The following FIG4 variants were observed in gnomAD, a reference collection of about 807,000 sequenced individuals.
FIG4 encodes FIG4 phosphoinositide 5-phosphatase.
FIG4 carries 112 observed loss-of-function variants against 118.6 expected under a neutral mutation model. That is an observed-to-expected ratio of 0.94 (90% CI 0.81 to 1.11). FIG4 has a LOEUF of 1.11. Ranked by LOEUF, FIG4 falls within the 50% of genes least tolerant of loss-of-function variation. FIG4 has a pLI of 0.00. For synonymous variants in FIG4, 369 were observed against 381.2 expected, an observed-to-expected ratio of 0.97 and a Z score of 0.37; for missense variants, 969 against 1,111.7, an observed-to-expected ratio of 0.87 and a Z score of 1.83.
intron 16 of FIG4, among the ~76,000 whole-genome samples, chr6:109,778,619 G>A (rs1246488068): frequency 6.6e-6 from 1 of 151,778 alleles, no homozygotes; most frequent in Non-Finnish European, 1.5e-5. Flanking sequence ...TTTTTTCGGA[G>A]ACAGAGCCTC....
At chr6:109,817,854 G>A (rs9487224) in intron 22 of FIG4, among the ~76,000 whole-genome samples, 4,285 of 152,318 alleles carry the variant, frequency 0.028, 211 homozygotes, top group African/African-American at 0.097. Flanking sequence ...TAGCTTGGCT[G>A]TGTTGGCCAG....
intron 13 of FIG4, among the ~76,000 whole-genome samples, chr6:109,764,782 G>A (rs768739051): frequency 2.0e-5 from 3 of 152,152 alleles, no homozygotes; most frequent in East Asian, 1.9e-4. Context: ...AAGATTTAAC[G>A]GTGCTGTTAC....
intron 22 of FIG4, among the ~76,000 whole-genome samples, chr6:109,819,337 G>T (rs1778943764): frequency 6.6e-6 from 1 of 152,218 alleles, no homozygotes; most frequent in South Asian, 2.1e-4. Flanking sequence ...TAGCCATCCA[G>T]GGCTCCTTTG....
chr6:109,793,114 T>A (rs114424058), intron 21 of FIG4, among the ~76,000 whole-genome samples: 187 of 152,348 alleles, frequency 1.2e-3, no homozygotes, highest in African/African-American at 4.3e-3. Flanking sequence ...AGAGTTAAAG[T>A]GCTAAATGCC....
chr6:109,780,565 A>T (rs761682630), intron 16 of FIG4, among the ~76,000 whole-genome samples: 1 of 152,188 alleles, frequency 6.6e-6, no homozygotes, highest in Non-Finnish European at 1.5e-5. Flanking sequence ...TTTATTAAAG[A>T]TCATACGGGA....
At chr6:109,701,624 A>G (rs1377589211) in intron 1 of FIG4, 1 of 464,198 alleles carries the variant, frequency 2.2e-6, no homozygotes, top group Non-Finnish European at 4.5e-6. Context: ...GATTGTTAGC[A>G]TATATGTATG....
At chr6:109,803,310 T>C (rs1243869300) in intron 22 of FIG4, among the ~76,000 whole-genome samples, 1 of 152,182 alleles carries the variant, frequency 6.6e-6, no homozygotes, top group African/African-American at 2.4e-5. Flanking sequence ...GCAGTTGAAA[T>C]AGAGATGGGG....
At chr6:109,783,206 A>G (rs1777855530) in intron 16 of FIG4, among the ~76,000 whole-genome samples, 1 of 152,230 alleles carries the variant, frequency 6.6e-6, no homozygotes, top group African/African-American at 2.4e-5. Context: ...GCAGCAAACC[A>G]CTATGGCACA....
chr6:109,785,794 T>C, intron 17 of FIG4: 1 of 447,154 alleles, frequency 2.2e-6, no homozygotes, highest in South Asian at 1.6e-5. Context: ...TATTTTTGGT[T>C]CTTATTAAGT....
At chr6:109,780,857 A>G (rs1257799977) in intron 16 of FIG4, among the ~76,000 whole-genome samples, 3 of 152,250 alleles carry the variant, frequency 2.0e-5, no homozygotes, top group East Asian at 3.8e-4. Flanking sequence ...AAAATCTCAC[A>G]TTGACTGATC....
At chr6:109,805,692 A>T (rs1314863209) in intron 22 of FIG4, among the ~76,000 whole-genome samples, 1 of 152,184 alleles carries the variant, frequency 6.6e-6, no homozygotes, top group Non-Finnish European at 1.5e-5. Context: ...TGACTTTCTT[A>T]ACGATTTTGT....
At chr6:109,702,007 C>G (rs1219433708) in intron 1 of FIG4, among the ~76,000 whole-genome samples, 1 of 152,156 alleles carries the variant, frequency 6.6e-6, no homozygotes, top group African/African-American at 2.4e-5. Flanking sequence ...CCCTTCTGGG[C>G]GGCATTACCC....
intron 15 of FIG4, among the ~76,000 whole-genome samples, chr6:109,769,652 G>A (rs1583707877): frequency 6.6e-6 from 1 of 151,340 alleles, no homozygotes; most frequent in East Asian, 1.9e-4. Context: ...TGGGCACAGT[G>A]GCTCACACTT....
intron 22 of FIG4, among the ~76,000 whole-genome samples, chr6:109,813,779 A>G (rs1334460217): frequency 6.6e-6 from 1 of 152,184 alleles, no homozygotes; most frequent in Admixed American, 6.5e-5. Context: ...CCAGGAAACT[A>G]GCTTCCATGT....
At chr6:109,747,072 G>T (rs1182953135) in intron 10 of FIG4, among the ~76,000 whole-genome samples, 1 of 152,084 alleles carries the variant, frequency 6.6e-6, no homozygotes, top group African/African-American at 2.4e-5. Context: ...GCTGAGTGAG[G>T]TTTGAGGTAT....
chr6:109,749,142 G>T (rs932300660), intron 10 of FIG4, among the ~76,000 whole-genome samples: 10 of 150,734 alleles, frequency 6.6e-5, no homozygotes, highest in African/African-American at 2.4e-4. Flanking sequence ...TCCCCAAACT[G>T]GCAGTTGGGG....
intron 21 of FIG4, 33 bp downstream of exon 21, chr6:109,792,697 A>C (rs776120239): frequency 8.3e-6 from 10 of 1,206,414 alleles, no homozygotes; most frequent in Middle Eastern, 3.8e-4. Flanking sequence ...TTAAAGAAAA[A>C]TGAATATTTA....
At chr6:109,753,752 G>A (rs1030824970) in intron 10 of FIG4, among the ~76,000 whole-genome samples, 2 of 152,188 alleles carry the variant, frequency 1.3e-5, no homozygotes, top group African/African-American at 2.4e-5. Context: ...TCTGTTATTG[G>A]TGTATAAGAA....
intron 10 of FIG4, among the ~76,000 whole-genome samples, chr6:109,748,501 A>G (rs531798457): frequency 2.0e-5 from 3 of 152,206 alleles, no homozygotes; most frequent in African/African-American, 7.2e-5. Flanking sequence ...CACGAATAAG[A>G]AATGTTGAAG....
Sources: allele counts gnomAD v4.1 joint callset (sites outside exome capture counted in the v4.1 genomes callset), GRCh38; gene constraint gnomAD v4.1.1; transcripts MANE v1.5; gene names NCBI Gene and HGNC (gene_info 2026-07-23, HGNC 2026-07-21).